SLK: variants seen among roughly 807,000 people sequenced by gnomAD.
The protein encoded by SLK is STE20 like kinase.
In SLK, 67 loss-of-function variants were observed where a neutral mutation model predicts 147.7. The observed-to-expected ratio is 0.45, with a 90% confidence interval of 0.37 to 0.56. SLK has a LOEUF of 0.56. SLK is among the 20% of genes least tolerant of loss of function. The probability of loss-of-function intolerance (pLI) is 0.00; values close to 1 mark genes in which losing one functional copy is unlikely to be tolerated. For missense variants in SLK, 1,136 were observed against 1,438.8 expected (o/e 0.79, Z 3.41); for synonymous variants, 441 against 475.0 (o/e 0.93, Z 0.93).
intron 7 of SLK, among the ~76,000 whole-genome samples, chr10:104,001,142 C>T (rs562953711): frequency 7.5e-5 from 11 of 146,558 alleles, no homozygotes; most frequent in African/African-American, 2.8e-4. Context: ...TTTTTTATTA[C>T]GAAGTTTTCA....
Position 103,999,952 on chromosome 10 carries a change from AG to A in SLK, c.864+5del. 1 of 1,355,310 alleles carries A rather than the reference AG, an allele frequency of 7.4e-7. No individual in the cohort carries two copies. 84.0% of individuals were successfully genotyped at this position (1,355,310 alleles called of 1,614,324 possible). A position where few individuals can be genotyped will look rare whatever the true frequency, so the allele number is the denominator to read the frequency against. The stretch of plus-strand genomic sequence containing the variant: ...GACTACATCTCAGCTGCTGCAGGTA[AG>A]AGAGTATGACAACAGCAAATAATAT... On this transcript the variant is annotated splice_donor_5th_base_variant and intron_variant, in intron 7 of 18. Coordinates refer to ENST00000369755, the MANE Select transcript of SLK (RefSeq NM_014720.4).
chr10:103,997,437 C>A (rs1844189906), intron 4 of SLK, among the ~76,000 whole-genome samples: 1 of 152,096 alleles, frequency 6.6e-6, no homozygotes. Context: ...TGAGTATGCA[C>A]CCAGAAGTGG....
At chr10:104,010,996 G>A in intron 13 of SLK, 88 bp downstream of exon 13, 1 of 710,400 alleles carries the variant, frequency 1.4e-6, no homozygotes, top group South Asian at 3.1e-5. Flanking sequence ...TAAATTTTAA[G>A]TGTTATTATT....
intron 1 of SLK, among the ~76,000 whole-genome samples, chr10:103,986,434 T>A (rs1370630465): frequency 1.3e-5 from 2 of 152,076 alleles, no homozygotes; most frequent in African/African-American, 4.8e-5. Flanking sequence ...ACGATAGAGT[T>A]CATGCTCCTC....
In SLK at chr10:104,024,797, G is replaced by A. The variant is rs143844984; in HGVS notation, c.3562-777G>A. Among the ~76,000 whole-genome samples, 555 of 152,166 alleles carry A rather than the reference G, an allele frequency of 3.6e-3. 4 individuals are homozygous for A. The highest frequency in any genetic ancestry group is 0.012 in the African/African-American group (488 of 41,508). On this transcript the variant is annotated intron_variant, in intron 18 of 18. Transcript: ENST00000369755. ...GAGTCTGAGACCAGGGTGCCAACAC[G>A]GTCACGCTTTGATGAGGGCCCTCAT...
intron 1 of SLK, among the ~76,000 whole-genome samples, chr10:103,969,097 G>A (rs1843759285): frequency 6.6e-6 from 1 of 152,050 alleles, no homozygotes; most frequent in African/African-American, 2.4e-5. Context: ...GCCTCCCGTA[G>A]TAGCTGGGTT....
At chr10:104,003,645 T>C in intron 9 of SLK, 118 bp downstream of exon 9, 1 of 859,870 alleles carries the variant, frequency 1.2e-6, no homozygotes, top group Non-Finnish European at 1.7e-6. Context: ...ATTAACAATA[T>C]AAATTCTTAC....
At chr10:103,973,968 G>C (rs1009236714) in intron 1 of SLK, among the ~76,000 whole-genome samples, 17 of 152,108 alleles carry the variant, frequency 1.1e-4, no homozygotes, top group Non-Finnish European at 4.4e-5. Flanking sequence ...AGTTGCTGTT[G>C]AATGTCTGAT....
intron 1 of SLK, among the ~76,000 whole-genome samples, chr10:103,978,357 GT>G (rs1479707116): frequency 6.6e-6 from 1 of 152,038 alleles, no homozygotes; most frequent in African/African-American, 2.4e-5. Flanking sequence ...AACAGAAGCA[GT>G]TAATTCTTAT....
intron 4 of SLK, among the ~76,000 whole-genome samples, chr10:103,998,620 A>G (rs1480619458): frequency 7.2e-5 from 11 of 152,158 alleles, no homozygotes; most frequent in Non-Finnish European, 1.6e-4. Flanking sequence ...GTCTGCTTTT[A>G]GAGTTACCAT....
Position 104,003,060 on chromosome 10 carries a change from A to G in SLK, c.1882A>G (p.Met628Val), listed in dbSNP as rs1386618758. 7 of 1,613,934 alleles carry G rather than the reference A, an allele frequency of 4.3e-6. No homozygotes were observed. The highest frequency in any genetic ancestry group is 4.5e-5 in the East Asian group (2 of 44,894). The change falls in exon 9 of 19, where the codon ATG becomes GTG. Residue 628 changes from methionine to valine, a missense_variant. By Grantham distance (21) the Met-to-Val change is conservative. This residue lies in a region of SLK where 516 missense variants were observed against 531.3 expected (regional missense o/e 0.97). Coordinates refer to ENST00000369755, the MANE Select transcript of SLK (RefSeq NM_014720.4). The part of the protein sequence containing the change: ...EQAINSSENI[M>V]DINEEPGTTE... ...AGCAATAAACAGTTCAGAGAACATA[A>G]TGGACATCAATGAGGAACCAGGAAC... is the stretch of plus-strand genomic sequence containing the variant.
chr10:103,984,359 T>C (rs1440532618), intron 1 of SLK, among the ~76,000 whole-genome samples: 1 of 152,222 alleles, frequency 6.6e-6, no homozygotes, highest in Non-Finnish European at 1.5e-5. Context: ...CTAACTTAAC[T>C]ACCCTATTTA....
chr10:104,020,920 A>G (rs2134534534), intron 17 of SLK, among the ~76,000 whole-genome samples: 1 of 152,324 alleles, frequency 6.6e-6, no homozygotes, highest in East Asian at 1.9e-4. Flanking sequence ...GAGTTTCAAA[A>G]TGATGTAGAC....
In SLK at chr10:104,019,888, C is replaced by T; in HGVS notation, c.3287C>T (p.Ala1096Val). Residue 1096 changes from alanine (A) to valine (V), a missense_variant, in exon 16 of 19, where the codon GCC (alanine) becomes GTC (valine). By Grantham distance (64) the Ala-to-Val change is moderately conservative. Around this residue, in one of 6 missense-constraint regions of SLK, gnomAD observed 327 missense variants for 457.5 expected, o/e 0.71. Coordinates refer to ENST00000369755, the MANE Select transcript of SLK (RefSeq NM_014720.4). Reference protein sequence around the residue: ...FKKSLRINSTATPDQDRDKIK... With the variant: ...FKKSLRINSTVTPDQDRDKIK... Reference sequence around the variant, plus strand: ...AAGAGTTTGAGAATTAACTCAACAGCCACACCAGATCAGGACCGTGATAAA... The same window carrying T: ...AAGAGTTTGAGAATTAACTCAACAGTCACACCAGATCAGGACCGTGATAAA... The T allele has an allele frequency of 1.2e-6, 2 of 1,614,038 alleles. No individual in the cohort carries two copies. The highest frequency in any genetic ancestry group is 1.7e-6 in the Non-Finnish European group (2 of 1,179,900).
At position 104,002,437 on chromosome 10, in the gene SLK, A is replaced by C. The variant is rs559175633; in HGVS notation, c.1259A>C (p.Lys420Thr). ...TELHDRTAVI[K>T]ENEREKRPKL... Reference sequence around the variant, plus strand: ...CTCCATGACAGAACAGCAGTAATCAAGGAGAATGAAAGAGAGAAGAGGCCC... The same window carrying C: ...CTCCATGACAGAACAGCAGTAATCACGGAGAATGAAAGAGAGAAGAGGCCC... The change falls in exon 9 of 19, where the codon AAG becomes ACG. Residue 420 changes from lysine (K) to threonine (T), a missense_variant. Lys to Thr is a moderately conservative substitution (Grantham distance 78, BLOSUM62 -1). Around this residue, in one of 6 missense-constraint regions of SLK, gnomAD observed 516 missense variants for 531.3 expected, o/e 0.97. Transcript: ENST00000369755. 2 of 1,614,058 alleles carry C rather than the reference A, an allele frequency of 1.2e-6. No individual in the cohort carries two copies. Among genetic ancestry groups the C allele is most frequent in the East Asian group, 4.5e-5 (2 of 44,878 alleles).
At chr10:103,968,655 AG>A (rs1488287333) in intron 1 of SLK, among the ~76,000 whole-genome samples, 1 of 152,224 alleles carries the variant, frequency 6.6e-6, no homozygotes, top group Non-Finnish European at 1.5e-5. Context: ...TTCATCCTGA[AG>A]GGCGAATTTT....
At chr10:103,997,540 C>T (rs533847594) in intron 4 of SLK, among the ~76,000 whole-genome samples, 35 of 151,952 alleles carry the variant, frequency 2.3e-4, no homozygotes, top group Non-Finnish European at 4.0e-4. Context: ...ACATTTCTAA[C>T]GGAAATGTAC....
chr10:103,999,732 CATT>C, intron 6 of SLK, 132 bp from the exon 7 acceptor site: 1 of 505,860 alleles, frequency 2.0e-6, no homozygotes, highest in Non-Finnish European at 3.6e-6. Context: ...TTAATAGTCT[CATT>C]AACTAGTTAT....
chr10:104,002,988 G>C lies in SLK; in HGVS notation c.1810G>C (p.Glu604Gln), dbSNP rs190220654. ...AGGTKEVPIK[E>Q]IVEMNEIEEG... The stretch of plus-strand genomic sequence containing the variant: ...TGGTACTAAGGAAGTTCCTATTAAA[G>C]AAATAGTTGAAATGAATGAAATAGA... Residue 604 changes from glutamate (E) to glutamine (Q), a missense_variant, in exon 9 of 19, where the codon GAA becomes CAA. Physicochemically the swap from Glu to Gln is conservative, Grantham distance 29 (BLOSUM62 2). Coordinates refer to ENST00000369755, the MANE Select transcript of SLK (RefSeq NM_014720.4). 4.0e-5 allele frequency: 65 copies of C among 1,613,636 alleles called. No individual in the cohort carries two copies. In the East Asian group the frequency reaches 1.4e-3, roughly 34 times the overall value.
Sources: allele counts gnomAD v4.1 joint callset (sites outside exome capture counted in the v4.1 genomes callset), GRCh38; gene constraint gnomAD v4.1.1; regional missense constraint gnomAD v4.1.1; transcripts MANE v1.5; gene names NCBI Gene and HGNC (gene_info 2026-07-23, HGNC 2026-07-21).